The following HEPH variants were observed in gnomAD, a reference collection of about 807,000 sequenced individuals.
HEPH encodes the protein hephaestin.
HEPH carries 69 observed loss-of-function variants against 80.8 expected under a neutral mutation model. The ratio of observed to expected loss-of-function variants is 0.85; its 90% CI spans 0.70 to 1.04. The LOEUF is 1.04. Among genes scored for constraint, HEPH ranks in the 50% least tolerant of loss-of-function variants. The pLI, the probability that HEPH is intolerant of heterozygous loss-of-function variation, is 0.00. For synonymous variants in HEPH, 431 were observed against 322.8 expected, an observed-to-expected ratio of 1.34 and a Z score of -3.60; for missense variants, 1,115 against 891.3, an observed-to-expected ratio of 1.25 and a Z score of -3.20.
At chrX:66,170,796 G>A in intron 2 of HEPH, 59 bp downstream of exon 2, 1 of 1,044,907 alleles carries the variant, frequency 9.6e-7, no homozygotes. Context: ...TTGAGGTCAG[G>A]AAGTAGCCTC....
chrX:66,257,853 A>G (rs1192910323), intron 17 of HEPH, among the ~76,000 whole-genome samples: 1 of 111,866 alleles, frequency 8.9e-6, no homozygotes, highest in African/African-American at 3.3e-5. Context: ...CTGTAAGAAC[A>G]TAAGAAGTGG....
At chrX:66,205,398 C>T (rs1264218) in intron 13 of HEPH, among the ~76,000 whole-genome samples, 41,384 of 110,485 alleles carry the variant, frequency 0.37, 8,571 homozygotes, top group African/African-American at 0.8. Flanking sequence ...CCTCCAGGTA[C>T]ATCCATGTTG....
At position 66,188,490 on chromosome X, in the gene HEPH, G is replaced by T. The variant is rs780052001; in HGVS notation, c.757G>T (p.Ala253Ser). Reference protein sequence around the residue: ...ENIATYCSDPASVDKEDETFQ... With the variant: ...ENIATYCSDPSSVDKEDETFQ... ...CATTGCCACTTACTGCTCAGATCCT[G>T]CTTCAGTGGACAAAGAAGATGAGAC... Residue 253 changes from alanine to serine, a missense_variant, in exon 5 of 21, where the codon GCT becomes TCT. Physicochemically the swap from Ala to Ser is moderately conservative, Grantham distance 99 (BLOSUM62 1). Transcript: ENST00000343002. 3 of 1,210,822 alleles carry T rather than the reference G, an allele frequency of 2.5e-6. No individual in the cohort carries two copies. Among genetic ancestry groups the T allele is most frequent in the Non-Finnish European group, 2.2e-6 (2 of 895,035 alleles).
Position 66,188,550 on chromosome X carries a change from G to A in HEPH, c.808+9G>A, listed in dbSNP as rs750991665. On this transcript the variant is annotated intron_variant, in intron 5 of 20. Transcript: ENST00000343002. The stretch of plus-strand genomic sequence containing the variant: ...GAGCAATAGGATGCATGGTGAGTTG[G>A]GAAAAGGTGGCCACATTGTGACAGG... 2.5e-6 allele frequency: 3 copies of A among 1,193,874 alleles called. No individual in the cohort carries two copies. Among genetic ancestry groups the A allele is most frequent in the Non-Finnish European group, 3.4e-6 (3 of 882,833 alleles).
chrX:66,191,342 AG>A (rs753480213), intron 6 of HEPH, among the ~76,000 whole-genome samples: 1 of 112,407 alleles, frequency 8.9e-6, no homozygotes, highest in African/African-American at 3.2e-5. Flanking sequence ...AAAGATGTAA[AG>A]CACCTGACAC....
chrX:66,171,472 G>T (rs1473928692), intron 2 of HEPH, among the ~76,000 whole-genome samples: 1 of 112,076 alleles, frequency 8.9e-6, no homozygotes, highest in African/African-American at 3.2e-5. Flanking sequence ...AATAGCAAGT[G>T]CTCCACAAAT....
intron 17 of HEPH, among the ~76,000 whole-genome samples, chrX:66,256,608 A>G (rs779117212): frequency 1.8e-5 from 2 of 111,846 alleles, no homozygotes; most frequent in South Asian, 3.8e-4. Context: ...CATATTAGAG[A>G]AGGCAAAATG....
intron 5 of HEPH, among the ~76,000 whole-genome samples, chrX:66,188,839 TA>T (rs1232977167): frequency 8.9e-6 from 1 of 112,627 alleles, no homozygotes; most frequent in Non-Finnish European, 1.9e-5. Context: ...TCTAAAGTTA[TA>T]TAGTATATGG....
chrX:66,259,576 T>C (rs2091287927), intron 18 of HEPH, among the ~76,000 whole-genome samples: 1 of 112,047 alleles, frequency 8.9e-6, no homozygotes, highest in African/African-American at 3.2e-5. Context: ...CTGCTGAAAA[T>C]TATAAAGATA....
chrX:66,265,844 G>C (rs1459951770), intron 20 of HEPH, among the ~76,000 whole-genome samples: 1 of 111,630 alleles, frequency 9.0e-6, no homozygotes, highest in Non-Finnish European at 1.9e-5. Flanking sequence ...GGAATGTCTG[G>C]TTTAAAAGTC....
chrX:66,229,313 G>T (rs1193490677), intron 15 of HEPH, among the ~76,000 whole-genome samples: 3 of 112,298 alleles, frequency 2.7e-5, no homozygotes, highest in African/African-American at 9.7e-5. Context: ...AACCTGGATG[G>T]AATTGGAAAC....
At chrX:66,193,403 CTAAATA>C (rs2087915603) in intron 7 of HEPH, 93 bp from the exon 8 acceptor site, 1 of 530,441 alleles carries the variant, frequency 1.9e-6, no homozygotes, top group African/African-American at 2.4e-5. Flanking sequence ...GAGGTCCTTC[CTAAATA>C]TAAAGATTCA....
At chrX:66,244,348 A>T (rs1391370235) in intron 15 of HEPH, among the ~76,000 whole-genome samples, 1 of 111,677 alleles carries the variant, frequency 9.0e-6, no homozygotes, top group African/African-American at 3.3e-5. Context: ...GATATTTCTC[A>T]GAGATTTTGT....
Position 66,199,006 on chromosome X carries a change from C to T in HEPH, c.1842C>T (p.Phe614=), listed in dbSNP as rs766131437. The change falls in exon 11 of 21, where the codon TTC becomes TTT. Residue 614 remains phenylalanine (F), a synonymous_variant. Coordinates refer to ENST00000343002, the MANE Select transcript of HEPH (RefSeq NM_001367233.3). Reference sequence around the variant, plus strand: ...TGCTTTCAGAGGATATTGAGGGCTTCCAAGACTCCAATCGGATGCATGGTA... The same window carrying T: ...TGCTTTCAGAGGATATTGAGGGCTTTCAAGACTCCAATCGGATGCATGGTA... ...FRLLSEDIEG[F]QDSNRMHAIN... 9 of 1,211,090 alleles carry T rather than the reference C, an allele frequency of 7.4e-6. No homozygotes were observed. The Admixed American group carries it at 2.0e-4, about 26-fold the overall frequency.
chrX:66,163,011 C>G, upstream of HEPH: 1 of 526,620 alleles, frequency 1.9e-6, no homozygotes, highest in Non-Finnish European at 3.0e-6. Context: ...CCCACTCATT[C>G]TTTCCCTATA....
upstream of HEPH, chrX:66,164,138 C>A (rs1602169487): frequency 3.1e-6 from 2 of 642,691 alleles, no homozygotes; most frequent in East Asian, 1.6e-4. Context: ...GTACAACCCA[C>A]CCCCTTGTAA....
chrX:66,186,759 G>C (rs2087474531), intron 4 of HEPH, among the ~76,000 whole-genome samples: 1 of 112,087 alleles, frequency 8.9e-6, no homozygotes, highest in Non-Finnish European at 1.9e-5. Context: ...CTTGTATTTG[G>C]ATGTCTAGGC....
intron 4 of HEPH, among the ~76,000 whole-genome samples, chrX:66,186,284 G>A (rs1185544443): frequency 4.8e-5 from 5 of 104,970 alleles, no homozygotes; most frequent in African/African-American, 7.1e-5. Flanking sequence ...GGGCAATGGC[G>A]GGCGCCCCTC....
At position 66,258,637 on chromosome X, in the gene HEPH, C is replaced by G. The variant is rs367903053; in HGVS notation, c.2897-203C>G. On this transcript the variant is annotated intron_variant, in intron 17 of 20. Transcript: ENST00000343002. ...GCAGAATGATGTCATCAGATTCAGT[C>G]ACTTAGAGAGATAATTTTGATAATA... Among the ~76,000 whole-genome samples the G allele has an allele frequency of 4.1e-4, 45 of 110,975 alleles. 1 individual carries two copies. Among genetic ancestry groups the G allele is most frequent in the East Asian group, 3.7e-3 (13 of 3,512 alleles).
Sources: gnomAD v4.1 joint callset for allele counts (sites outside exome capture counted in the v4.1 genomes callset) on GRCh38, gnomAD v4.1.1 for gene constraint, MANE v1.5 for transcripts, NCBI Gene and HGNC (gene_info 2026-07-23, HGNC 2026-07-21) for gene names.